Variants in RBMS3 observed in about 807,000 individuals in gnomAD.
RBMS3 encodes RNA-binding motif, single-stranded-interacting protein 3.
In RBMS3, 27 loss-of-function variants were observed where a neutral mutation model predicts 66.8. That is an observed-to-expected ratio of 0.40 (90% CI 0.30 to 0.56). The LOEUF (loss-of-function observed/expected upper bound fraction) is 0.56, where lower values mean the gene tolerates loss of function less well. RBMS3 is among the 20% of genes least tolerant of loss of function. The probability of loss-of-function intolerance (pLI) is 0.40; values close to 1 mark genes in which losing one functional copy is unlikely to be tolerated. For synonymous variants in RBMS3, 188 were observed against 183.0 expected, an observed-to-expected ratio of 1.03 and a Z score of -0.22; for missense variants, 513 against 549.5, an observed-to-expected ratio of 0.93 and a Z score of 0.66.
At chr3:29,596,746 TA>T (rs2047958533) in intron 4 of RBMS3, among the ~76,000 whole-genome samples, 1 of 152,194 alleles carries the variant, frequency 6.6e-6, no homozygotes, top group African/African-American at 2.4e-5. Flanking sequence ...ACAGACTGGA[TA>T]AAATTATTAA....
intron 6 of RBMS3, among the ~76,000 whole-genome samples, chr3:29,856,398 T>C (rs2059077821): frequency 6.6e-6 from 1 of 152,194 alleles, no homozygotes; most frequent in African/African-American, 2.4e-5. Context: ...TGGGAGATTG[T>C]GAAAGGTCTC....
intron 12 of RBMS3, among the ~76,000 whole-genome samples, chr3:29,959,150 G>C (rs1696241037): frequency 2.6e-5 from 4 of 152,094 alleles, no homozygotes; most frequent in Admixed American, 2.6e-4. Flanking sequence ...TGTATGTATG[G>C]GTTCTCTGAA....
intron 6 of RBMS3, among the ~76,000 whole-genome samples, chr3:29,772,164 A>G (rs2056236956): frequency 6.6e-6 from 1 of 151,918 alleles, no homozygotes; most frequent in African/African-American, 2.4e-5. Flanking sequence ...AAAGGCAAAG[A>G]CTTGGATTTC....
chr3:29,561,435 G>GTTT (rs1287013750), intron 3 of RBMS3, among the ~76,000 whole-genome samples: 1 of 113,010 alleles, frequency 8.8e-6, no homozygotes, highest in Non-Finnish European at 1.8e-5. Flanking sequence ...TGTTGTTTTT[G>GTTT]TTGTTGTTGT....
intron 4 of RBMS3, among the ~76,000 whole-genome samples, chr3:29,650,225 A>G (rs1194272250): frequency 6.6e-6 from 1 of 151,996 alleles, no homozygotes; most frequent in Non-Finnish European, 1.5e-5. Context: ...AATTCTTTCT[A>G]TGAGATGCCT....
At chr3:29,693,219 A>G (rs1452454048) in intron 4 of RBMS3, among the ~76,000 whole-genome samples, 1 of 152,216 alleles carries the variant, frequency 6.6e-6, no homozygotes, top group Non-Finnish European at 1.5e-5. Context: ...CCCATCAGAA[A>G]ACATTCCTTG....
intron 6 of RBMS3, among the ~76,000 whole-genome samples, chr3:29,862,721 A>G (rs777061853): frequency 2.6e-5 from 4 of 151,864 alleles, no homozygotes; most frequent in Non-Finnish European, 4.4e-5. Context: ...GCGTGTGCCT[A>G]TAGTCCCAGA....
chr3:29,335,826 C>G (rs751338560), intron 1 of RBMS3, among the ~76,000 whole-genome samples: 2 of 152,118 alleles, frequency 1.3e-5, no homozygotes, highest in Non-Finnish European at 2.9e-5. Context: ...TCTCTTCCCT[C>G]CTTCCTTTTT....
chr3:29,900,392 C>T (rs1033904388), intron 10 of RBMS3, among the ~76,000 whole-genome samples: 7 of 151,716 alleles, frequency 4.6e-5, no homozygotes, highest in Non-Finnish European at 8.8e-5. Flanking sequence ...TATTCAAATT[C>T]TCTTTTTTAC....
intron 3 of RBMS3, among the ~76,000 whole-genome samples, chr3:29,494,302 A>C (rs770185787): frequency 1.3e-5 from 2 of 152,204 alleles, no homozygotes; most frequent in Admixed American, 6.5e-5. Context: ...TAGGGACAGT[A>C]GTCAGGCCTA....
chr3:29,473,644 C>G (rs2042836234), intron 2 of RBMS3, among the ~76,000 whole-genome samples: 1 of 152,230 alleles, frequency 6.6e-6, no homozygotes, highest in African/African-American at 2.4e-5. Flanking sequence ...CGAGCCCTGC[C>G]CCTCGGGGAG....
rs573805107 is a variant in RBMS3, at chr3:29,992,062, C to A, written c.1307+853C>A. On this transcript the variant is annotated intron_variant, in intron 14 of 14. Coordinates refer to ENST00000383767, the MANE Select transcript of RBMS3 (RefSeq NM_001003793.3). ...CCAAAAGAATTTAGAAAAGTAAAGT[C>A]TTCATACAAGTGTCTTGGCATGCAA... 3.2e-4 allele frequency among the ~76,000 whole-genome samples: 49 copies of A among 152,176 alleles called. No homozygotes were observed. In the South Asian group the frequency reaches 6.2e-3, roughly 19 times the overall value.
At chr3:29,630,162 T>C (rs533027616) in intron 4 of RBMS3, among the ~76,000 whole-genome samples, 1 of 152,146 alleles carries the variant, frequency 6.6e-6, no homozygotes, top group South Asian at 2.1e-4. Flanking sequence ...AAGCATCTCA[T>C]TTTCCATGGA....
chr3:29,412,738 A>G (rs2040316144), intron 1 of RBMS3, among the ~76,000 whole-genome samples: 1 of 152,178 alleles, frequency 6.6e-6, no homozygotes, highest in Non-Finnish European at 1.5e-5. Context: ...AGAAATATCT[A>G]CTGAAGGACA....
At chr3:29,739,311 C>G (rs1181193112) in intron 4 of RBMS3, among the ~76,000 whole-genome samples, 1 of 151,970 alleles carries the variant, frequency 6.6e-6, no homozygotes, top group Non-Finnish European at 1.5e-5. Flanking sequence ...AAAAAATTAG[C>G]TGGGCGTGGT....
intron 2 of RBMS3, among the ~76,000 whole-genome samples, chr3:29,466,421 G>A (rs940012549): frequency 2.0e-5 from 3 of 152,016 alleles, no homozygotes; most frequent in African/African-American, 7.2e-5. Flanking sequence ...CCTAGTGATT[G>A]TTTATATATT....
intron 2 of RBMS3, among the ~76,000 whole-genome samples, chr3:29,482,701 CTTTT>C (rs755520785): frequency 4.0e-4 from 31 of 77,502 alleles, no homozygotes; most frequent in Admixed American, 1.9e-3. Context: ...TTCTTTCTTT[CTTTT>C]TTTTTTTTTT....
intron 6 of RBMS3, among the ~76,000 whole-genome samples, chr3:29,849,503 G>T (rs2058878284): frequency 6.8e-6 from 1 of 148,104 alleles, no homozygotes; most frequent in Non-Finnish European, 1.5e-5. Flanking sequence ...GACAGAGTGA[G>T]ACTCTGTCTC....
At position 29,587,227 on chromosome 3, in the gene RBMS3, G is replaced by GTTTTTTTTTTTT. The variant is rs537893659; in HGVS notation, c.399+33_399+44dup. 17 of 213,454 alleles carry GTTTTTTTTTTTT rather than the reference G, an allele frequency of 8.0e-5. 3 individuals are homozygous for GTTTTTTTTTTTT. The highest frequency in any genetic ancestry group is 3.3e-4 in the South Asian group (4 of 12,294). 13.2% of individuals were successfully genotyped at this position (213,454 alleles called of 1,614,324 possible). A position where few individuals can be genotyped will look rare whatever the true frequency, so the allele number is the denominator to read the frequency against. On this transcript the variant is annotated intron_variant, in intron 4 of 14. Coordinates refer to ENST00000383767, the MANE Select transcript of RBMS3 (RefSeq NM_001003793.3). The stretch of plus-strand genomic sequence containing the variant: ...TAAGGTAAGATTGATGTTTAGGGGT[G>GTTTTTTTTTTTT]TTTTTTTTTTTTTTTTTTTTTTGTG...
Sources: gnomAD v4.1 joint callset for allele counts (sites outside exome capture counted in the v4.1 genomes callset) on GRCh38, gnomAD v4.1.1 for gene constraint, MANE v1.5 for transcripts, NCBI Gene and HGNC (gene_info 2026-07-23, HGNC 2026-07-21) for gene names.